The following SPAG16 variants were observed in gnomAD, a reference collection of about 807,000 sequenced individuals.
The protein encoded by SPAG16 is sperm-associated antigen 16 protein.
In SPAG16, 86 loss-of-function variants were observed where a neutral mutation model predicts 80.4. That is an observed-to-expected ratio of 1.07 (90% CI 0.90 to 1.28). SPAG16 has a LOEUF of 1.28. Among genes scored for constraint, SPAG16 ranks in the 50% most tolerant of loss-of-function variants. The pLI, the probability that SPAG16 is intolerant of heterozygous loss-of-function variation, is 0.00. For missense variants in SPAG16, 870 were observed against 765.3 expected, an observed-to-expected ratio of 1.14 and a Z score of -1.61; for synonymous variants, 294 against 265.9, an observed-to-expected ratio of 1.11 and a Z score of -1.03.
At chr2:214,300,432 T>C (rs1229969885) in intron 15 of SPAG16, among the ~76,000 whole-genome samples, 1 of 152,112 alleles carries the variant, frequency 6.6e-6, no homozygotes, top group Non-Finnish European at 1.5e-5. Context: ...TTAATGAGAG[T>C]GCTAGAAGTT....
chr2:214,082,554 A>G (rs1490223975), intron 13 of SPAG16, among the ~76,000 whole-genome samples: 1 of 152,126 alleles, frequency 6.6e-6, no homozygotes, highest in African/African-American at 2.4e-5. Flanking sequence ...TTCTGTCTTC[A>G]GGACAGCATG....
chr2:213,457,540 G>A (rs1031172215), intron 9 of SPAG16, among the ~76,000 whole-genome samples: 1 of 152,040 alleles, frequency 6.6e-6, no homozygotes, highest in East Asian at 1.9e-4. Context: ...CTTTTGAATT[G>A]TTATATCTAC....
chr2:214,067,923 A>T (rs950001840), intron 13 of SPAG16, among the ~76,000 whole-genome samples: 1 of 152,178 alleles, frequency 6.6e-6, no homozygotes, highest in African/African-American at 2.4e-5. Context: ...CATAAAAACT[A>T]TAAAAAATAA....
At chr2:213,827,586 T>C (rs555585283) in intron 10 of SPAG16, among the ~76,000 whole-genome samples, 1 of 152,282 alleles carries the variant, frequency 6.6e-6, no homozygotes, top group African/African-American at 2.4e-5. Context: ...TAATATTCTG[T>C]GTTTTCCTGA....
At chr2:213,614,052 G>A (rs11904788) in intron 10 of SPAG16, among the ~76,000 whole-genome samples, 3,690 of 152,264 alleles carry the variant, frequency 0.024, 153 homozygotes, top group African/African-American at 0.085. Context: ...CTCCTGTTGT[G>A]TTGGGAGAAC....
intron 10 of SPAG16, among the ~76,000 whole-genome samples, chr2:213,726,612 C>T (rs146160302): frequency 0.013 from 2,041 of 152,270 alleles, 37 homozygotes; most frequent in Admixed American, 0.047. Flanking sequence ...TGCCCACATA[C>T]GCACCACACT....
intron 3 of SPAG16, among the ~76,000 whole-genome samples, chr2:213,298,628 A>G (rs186669593): frequency 1.3e-5 from 2 of 152,362 alleles, no homozygotes; most frequent in Admixed American, 6.5e-5. Flanking sequence ...TCCTTCTGCT[A>G]TCATGGTCGA....
At position 213,396,907 on chromosome 2, in the gene SPAG16, C is replaced by G. The variant is rs541868259; in HGVS notation, c.942+21788C>G. 2.6e-5 allele frequency among the ~76,000 whole-genome samples: 4 copies of G among 151,746 alleles called. No individual in the cohort carries two copies. The South Asian group carries it at 8.3e-4, about 32-fold the overall frequency. On this transcript the variant is annotated intron_variant, in intron 9 of 15. Coordinates refer to ENST00000331683, the MANE Select transcript of SPAG16 (RefSeq NM_024532.5). The stretch of plus-strand genomic sequence containing the variant: ...CCGTAAGGATCCTTTTTTTTTGACC[C>G]AATATTTCCCTCTTCTGACTCCCCA...
intron 12 of SPAG16, among the ~76,000 whole-genome samples, chr2:213,992,525 A>T (rs2046335567): frequency 6.6e-6 from 1 of 152,132 alleles, no homozygotes; most frequent in Admixed American, 6.6e-5. Context: ...ATTATCTGTT[A>T]ATTTCATTTT....
rs79305520 is a variant in SPAG16 at position 214,311,200 on chromosome 2, C to T, written c.1721-98940C>T. Among the ~76,000 whole-genome samples the T allele has an allele frequency of 4.3e-3, 644 of 151,496 alleles. 7 individuals carry two copies. The highest frequency in any genetic ancestry group is 0.015 in the African/African-American group (603 of 41,516). ...CTTTGGCAGTCTGCATTCCCCCTCT[C>T]TCCCTCTCTCTAGGGTCAGCACACT... On this transcript the variant is annotated intron_variant, in intron 15 of 15. Coordinates refer to ENST00000331683, the MANE Select transcript of SPAG16 (RefSeq NM_024532.5).
chr2:213,550,900 T>C (rs2076758441), intron 10 of SPAG16, among the ~76,000 whole-genome samples: 1 of 152,098 alleles, frequency 6.6e-6, no homozygotes. Flanking sequence ...TATACTTTTA[T>C]GCATATTTTA....
At chr2:213,614,268 C>G (rs2061525931) in intron 10 of SPAG16, among the ~76,000 whole-genome samples, 1 of 152,266 alleles carries the variant, frequency 6.6e-6, no homozygotes, top group South Asian at 2.1e-4. Flanking sequence ...GCTTTTCCAA[C>G]AACTGATTTT....
chr2:213,507,625 G>GA (rs746080035), intron 10 of SPAG16, among the ~76,000 whole-genome samples: 23 of 152,150 alleles, frequency 1.5e-4, no homozygotes, highest in Non-Finnish European at 3.1e-4. Flanking sequence ...TATCAACTAT[G>GA]AATATATCTT....
chr2:213,503,198 T>C (rs2074817757), intron 10 of SPAG16, among the ~76,000 whole-genome samples: 1 of 152,206 alleles, frequency 6.6e-6, no homozygotes, highest in Non-Finnish European at 1.5e-5. Flanking sequence ...TTGCCTCTGT[T>C]GGGGCAGCTT....
intron 11 of SPAG16, among the ~76,000 whole-genome samples, chr2:213,893,657 T>C (rs533731678): frequency 5.9e-5 from 9 of 152,152 alleles, no homozygotes; most frequent in Non-Finnish European, 1.3e-4. Context: ...TGATCTAAGA[T>C]AACTTGTCAT....
At chr2:213,900,870 C>A (rs2077193193) in intron 11 of SPAG16, among the ~76,000 whole-genome samples, 1 of 152,144 alleles carries the variant, frequency 6.6e-6, no homozygotes, top group African/African-American at 2.4e-5. Context: ...TTACATTCTG[C>A]TCTGTCCCAT....
chr2:214,193,298 C>T (rs907965508), intron 15 of SPAG16, among the ~76,000 whole-genome samples: 3 of 151,816 alleles, frequency 2.0e-5, no homozygotes, highest in South Asian at 4.2e-4. Context: ...GAGCTCTGGT[C>T]GCCTCTACTA....
At chr2:214,312,643 A>C (rs943520703) in intron 15 of SPAG16, among the ~76,000 whole-genome samples, 1 of 152,132 alleles carries the variant, frequency 6.6e-6, no homozygotes, top group African/African-American at 2.4e-5. Context: ...GATTTATGGG[A>C]AGTTGATCAT....
At chr2:213,422,102 C>A in intron 9 of SPAG16, 1 of 667,328 alleles carries the variant, frequency 1.5e-6, no homozygotes. Context: ...GTAACCCAAA[C>A]AGGGCTGAAA....
Sources: gnomAD v4.1 joint callset for allele counts (sites outside exome capture counted in the v4.1 genomes callset) on GRCh38, gnomAD v4.1.1 for gene constraint, MANE v1.5 for transcripts, NCBI Gene and HGNC (gene_info 2026-07-23, HGNC 2026-07-21) for gene names.